Variants in GKAP1 observed in about 807,000 individuals in gnomAD.
GKAP1 encodes the protein G kinase-anchoring protein 1.
GKAP1 carries 31 observed loss-of-function variants against 56.7 expected under a neutral mutation model. The observed-to-expected ratio is 0.55, with a 90% CI of 0.41 to 0.74. The LOEUF (loss-of-function observed/expected upper bound fraction) is 0.74, where lower values mean the gene tolerates loss of function less well. Ranked by LOEUF, GKAP1 falls within the 30% of genes least tolerant of loss-of-function variation. The pLI is 0.00. For synonymous variants in GKAP1, 151 were observed against 138.6 expected (o/e 1.09, Z -0.63); for missense variants, 364 against 402.3 (o/e 0.90, Z 0.82).
chr9:83,814,132 A>G (rs116635917), intron 2 of GKAP1, among the ~76,000 whole-genome samples: 1,551 of 152,314 alleles, frequency 0.01, 24 homozygotes, highest in African/African-American at 0.036. Context: ...GATGGCAGCA[A>G]TGTCAAAAAT....
In GKAP1 at chr9:83,806,518, C is replaced by T. The variant is rs137906175; in HGVS notation, c.-1G>A. On this transcript the variant is annotated 5_prime_UTR_variant, in exon 3 of 13. Coordinates refer to ENST00000376371, the MANE Select transcript of GKAP1 (RefSeq NM_025211.4). ...CAGAACTAAGTACTGCTGAGGCCAT[C>T]GTAAAGATTTTTCTTTTAAAATACT... is the stretch of plus-strand genomic sequence containing the variant. The T allele has an allele frequency of 4.5e-4, 725 of 1,609,468 alleles. 8 individuals carry two copies. In the East Asian group the frequency reaches 0.015, roughly 33 times the overall value.
chr9:83,799,466 G>A lies in GKAP1; in HGVS notation c.217-138C>T, dbSNP rs915507845. 5.0e-6 allele frequency: 3 copies of A among 598,854 alleles called. No homozygotes were observed. The African/African-American group carries it at 5.8e-5, about 12-fold the overall frequency. 37.1% of individuals were successfully genotyped at this position (598,854 alleles called of 1,614,324 possible). A position where few individuals can be genotyped will look rare whatever the true frequency, so the allele number is the denominator to read the frequency against. Reference sequence around the variant, plus strand: ...CGTTTTGCTAACTCACACAGCTAAAGTTATTATTTGTGTTTTCTATAATCT... The same window carrying A: ...CGTTTTGCTAACTCACACAGCTAAAATTATTATTTGTGTTTTCTATAATCT... On this transcript the variant is annotated intron_variant, in intron 3 of 12. Transcript: ENST00000376371.
At chr9:83,787,405 T>TAA (rs111845170) in intron 5 of GKAP1, among the ~76,000 whole-genome samples, 8 of 150,996 alleles carry the variant, frequency 5.3e-5, no homozygotes, top group Admixed American at 1.3e-4. Context: ...CCCAGCTAAT[T>TAA]AAAAAAAAAT....
intron 5 of GKAP1, 108 bp from the exon 6 acceptor site, chr9:83,784,946 A>G (rs943751670): frequency 2.3e-6 from 2 of 878,870 alleles, no homozygotes; most frequent in African/African-American, 3.5e-5. Flanking sequence ...TAAAAGGCAA[A>G]TAAAAAACCA....
chr9:83,744,685 T>C (rs1161972357), intron 10 of GKAP1, among the ~76,000 whole-genome samples: 1 of 152,180 alleles, frequency 6.6e-6, no homozygotes, highest in East Asian at 1.9e-4. Context: ...ATTGTGGGGA[T>C]TTTTTGTTTC....
chr9:83,742,826 C>T (rs1943231367), intron 10 of GKAP1, among the ~76,000 whole-genome samples: 1 of 152,182 alleles, frequency 6.6e-6, no homozygotes. Flanking sequence ...ATCAGCACAG[C>T]ATTTTTTTCT....
intron 6 of GKAP1, among the ~76,000 whole-genome samples, chr9:83,782,353 G>A (rs1943988315): frequency 6.7e-6 from 1 of 150,134 alleles, no homozygotes; most frequent in Non-Finnish European, 1.5e-5. Flanking sequence ...TACTAATCTT[G>A]GATTTTTTTT....
At position 83,745,562 on chromosome 9, in the gene GKAP1, G is replaced by C. The variant is rs1196974177; in HGVS notation, c.904+2747C>G. Among the ~76,000 whole-genome samples the C allele has an allele frequency of 3.3e-5, 5 of 152,202 alleles. No individual in the cohort carries two copies. The Middle Eastern group carries it at 0.01, about 311-fold the overall frequency. ...TCAGTTAACTTTCTCAATTTCCACAGTGTTTTATGGGGAGGAAATATTATT... is the reference window on the plus strand; with the variant it reads ...TCAGTTAACTTTCTCAATTTCCACACTGTTTTATGGGGAGGAAATATTATT... On this transcript the variant is annotated intron_variant, in intron 10 of 12. Transcript: ENST00000376371.
At chr9:83,803,574 G>C (rs368966808) in intron 3 of GKAP1, among the ~76,000 whole-genome samples, 1 of 152,208 alleles carries the variant, frequency 6.6e-6, no homozygotes, top group Admixed American at 6.5e-5. Flanking sequence ...GCCCAGGCTG[G>C]AGTGCAGTGG....
chr9:83,795,215 C>T, intron 4 of GKAP1, among the ~76,000 whole-genome samples: 1 of 151,246 alleles, frequency 6.6e-6, no homozygotes, highest in East Asian at 1.9e-4. Context: ...CAAAGCCATG[C>T]CCTACGTATT....
chr9:83,764,413 C>T (rs971624749), intron 8 of GKAP1, among the ~76,000 whole-genome samples: 2 of 152,174 alleles, frequency 1.3e-5, no homozygotes, highest in Admixed American at 6.5e-5. Context: ...TGAGGCCTCG[C>T]TAGCCATGCA....
chr9:83,790,239 A>G (rs1478913438), intron 4 of GKAP1, among the ~76,000 whole-genome samples: 1 of 152,206 alleles, frequency 6.6e-6, no homozygotes, highest in Non-Finnish European at 1.5e-5. Flanking sequence ...AAATCAGATT[A>G]AGCCCAGTGT....
chr9:83,795,793 A>T (rs1297137178), intron 4 of GKAP1, among the ~76,000 whole-genome samples: 1 of 152,002 alleles, frequency 6.6e-6, no homozygotes, highest in Non-Finnish European at 1.5e-5. Context: ...GGCTCAAGTG[A>T]TCTGCCTACC....
At chr9:83,759,722 T>C (rs1393238701) in intron 8 of GKAP1, among the ~76,000 whole-genome samples, 2 of 152,218 alleles carry the variant, frequency 1.3e-5, no homozygotes, top group Non-Finnish European at 2.9e-5. Flanking sequence ...TTTTTCAAAA[T>C]GGTTATACCA....
Position 83,739,759 on chromosome 9 carries a change from A to T in GKAP1, c.1054-15T>A. 6.2e-7 allele frequency: 1 copy of T among 1,601,848 alleles called. No individual in the cohort carries two copies. Among genetic ancestry groups the T allele is most frequent in the African/African-American group, 1.3e-5 (1 of 74,418 alleles). On this transcript the variant is annotated splice_polypyrimidine_tract_variant and intron_variant, in intron 12 of 12. Coordinates refer to ENST00000376371, the MANE Select transcript of GKAP1 (RefSeq NM_025211.4). ...TTTCTGCCACCCTGTAAAAAAAAAA[A>T]AAAATAGGGAAAATTATTTACAACA...
At chr9:83,793,974 CT>C (rs2131305341) in intron 4 of GKAP1, among the ~76,000 whole-genome samples, 1 of 152,192 alleles carries the variant, frequency 6.6e-6, no homozygotes, top group Non-Finnish European at 1.5e-5. Flanking sequence ...CAAGACCAGC[CT>C]GGGCAACATG....
chr9:83,783,052 C>A (rs1233536535), intron 6 of GKAP1, among the ~76,000 whole-genome samples: 1 of 152,226 alleles, frequency 6.6e-6, no homozygotes, highest in Non-Finnish European at 1.5e-5. Context: ...CAGGGAAAAA[C>A]TTCCTTGATC....
intron 5 of GKAP1, among the ~76,000 whole-genome samples, chr9:83,788,262 A>G (rs1218405066): frequency 6.6e-5 from 10 of 152,226 alleles, no homozygotes; most frequent in Non-Finnish European, 1.5e-4. Context: ...TGGGCAAGAG[A>G]GTGAGACTCG....
chr9:83,784,122 T>C (rs1309514521), intron 6 of GKAP1, among the ~76,000 whole-genome samples: 1 of 151,606 alleles, frequency 6.6e-6, no homozygotes, highest in Non-Finnish European at 1.5e-5. Flanking sequence ...AAAAGACTAG[T>C]TGGGCATGGT....
Sources: allele counts gnomAD v4.1 joint callset (sites outside exome capture counted in the v4.1 genomes callset), GRCh38; gene constraint gnomAD v4.1.1; transcripts MANE v1.5; gene names NCBI Gene and HGNC (gene_info 2026-07-23, HGNC 2026-07-21).